Variants in ARHGAP26 observed in about 807,000 individuals in gnomAD.
The protein encoded by ARHGAP26 is Rho GTPase activating protein 26.
In ARHGAP26, 38 loss-of-function variants were observed where a neutral mutation model predicts 104.8. That is an observed-to-expected ratio of 0.36 (90% CI 0.28 to 0.48). The LOEUF is 0.48. Ranked by LOEUF, ARHGAP26 falls within the 20% of genes least tolerant of loss-of-function variation. ARHGAP26 has a pLI of 0.99. For synonymous variants in ARHGAP26, 341 were observed against 340.0 expected (o/e 1.00, Z -0.03); for missense variants, 704 against 947.9 (o/e 0.74, Z 3.38).
Position 143,097,623 on chromosome 5 carries a change from A to G in ARHGAP26, c.1539-23365A>G, listed in dbSNP as rs113199273. On this transcript the variant is annotated intron_variant, in intron 17 of 22. Transcript: ENST00000645722. ...ATCATGAGGTCAAGAGATTGAGACC[A>G]CCCTGGCTAACACGGTGAAACCCCG... 5.2e-3 allele frequency among the ~76,000 whole-genome samples: 792 copies of G among 152,012 alleles called. 4 individuals carry two copies. Among genetic ancestry groups the G allele is most frequent in the African/African-American group, 0.018 (750 of 41,496 alleles).
intron 20 of ARHGAP26, among the ~76,000 whole-genome samples, chr5:143,189,158 T>A (rs1805553851): frequency 6.6e-6 from 1 of 152,240 alleles, no homozygotes; most frequent in Non-Finnish European, 1.5e-5. Flanking sequence ...ACCACTGATC[T>A]TCTTTCCACA....
rs146530306 is a variant in ARHGAP26 at position 143,002,483 on chromosome 5, C to T, written c.1108-11597C>T. On this transcript the variant is annotated intron_variant, in intron 11 of 22. Coordinates refer to ENST00000645722, the MANE Select transcript of ARHGAP26 (RefSeq NM_001135608.3). ...GGATGGGAGGTGGTCTCTCCTCTCA[C>T]CATGAAAACGGCATGCTGACAGATG... Among the ~76,000 whole-genome samples the T allele has an allele frequency of 2.6e-5, 4 of 152,212 alleles. No individual in the cohort carries two copies. The East Asian group carries it at 7.7e-4, about 29-fold the overall frequency.
chr5:142,815,045 G>A (rs866539396), intron 1 of ARHGAP26, among the ~76,000 whole-genome samples: 8 of 152,304 alleles, frequency 5.3e-5, no homozygotes, highest in African/African-American at 1.9e-4. Context: ...CTGTCACCCA[G>A]GCTGGAGTGG....
chr5:143,191,429 G>T (rs143964388), intron 20 of ARHGAP26, among the ~76,000 whole-genome samples: 78 of 152,232 alleles, frequency 5.1e-4, no homozygotes, highest in African/African-American at 1.7e-3. Context: ...TTTTACAAGA[G>T]GGTATAAAAG....
intron 6 of ARHGAP26, among the ~76,000 whole-genome samples, chr5:142,896,398 C>T (rs958371897): frequency 2.6e-5 from 4 of 152,102 alleles, no homozygotes; most frequent in Non-Finnish European, 4.4e-5. Flanking sequence ...TCTCAGTAGG[C>T]GTACCTAGTG....
intron 11 of ARHGAP26, among the ~76,000 whole-genome samples, chr5:142,984,000 A>G (rs1218943851): frequency 2.0e-5 from 3 of 152,250 alleles, no homozygotes; most frequent in Admixed American, 2.0e-4. Context: ...ATGATAGGCC[A>G]CATGGGACAA....
intron 20 of ARHGAP26, among the ~76,000 whole-genome samples, chr5:143,194,889 G>A (rs1476717557): frequency 6.8e-6 from 1 of 146,608 alleles, no homozygotes; most frequent in Admixed American, 6.7e-5. Flanking sequence ...CAGCCATTGT[G>A]GAGGGCCAGC....
rs77021125 is a variant in ARHGAP26 at position 143,183,791 on chromosome 5, T to C, written c.1989-23407T>C. On this transcript the variant is annotated intron_variant, in intron 20 of 22. Coordinates refer to ENST00000645722, the MANE Select transcript of ARHGAP26 (RefSeq NM_001135608.3). The stretch of plus-strand genomic sequence containing the variant: ...TGACTACCAGTGTGAGTCCTGTGGC[T>C]CCTCAGCAGTGTCTCTGCGCCTGTC... Among the ~76,000 whole-genome samples, 1,328 of 152,294 alleles carry C rather than the reference T, an allele frequency of 8.7e-3. 18 individuals are homozygous for C. Among genetic ancestry groups the C allele is most frequent in the African/African-American group, 0.03 (1,233 of 41,552 alleles).
intron 11 of ARHGAP26, among the ~76,000 whole-genome samples, chr5:142,989,929 G>T (rs1369601148): frequency 2.0e-5 from 3 of 151,986 alleles, no homozygotes; most frequent in Non-Finnish European, 2.9e-5. Flanking sequence ...ACAATTATGT[G>T]TCTTGGAGTC....
At chr5:143,155,437 T>G (rs546814410) in intron 20 of ARHGAP26, among the ~76,000 whole-genome samples, 9 of 152,384 alleles carry the variant, frequency 5.9e-5, no homozygotes, top group African/African-American at 2.2e-4. Context: ...CCAGCTGGGC[T>G]TCCCTTGGTT....
At chr5:142,856,047 C>T (rs766435862) in intron 1 of ARHGAP26, among the ~76,000 whole-genome samples, 1 of 152,182 alleles carries the variant, frequency 6.6e-6, no homozygotes, top group Non-Finnish European at 1.5e-5. Flanking sequence ...GAGTGAGGGA[C>T]GTCTCTTTAT....
intron 20 of ARHGAP26, among the ~76,000 whole-genome samples, chr5:143,184,993 G>C (rs1353226454): frequency 6.6e-6 from 1 of 152,134 alleles, no homozygotes; most frequent in Non-Finnish European, 1.5e-5. Context: ...ATGCAACAGT[G>C]AGTGGATTTT....
intron 20 of ARHGAP26, among the ~76,000 whole-genome samples, chr5:143,179,620 C>T (rs1804012068): frequency 6.6e-6 from 1 of 152,220 alleles, no homozygotes; most frequent in Non-Finnish European, 1.5e-5. Flanking sequence ...TGGGTGGCCA[C>T]TCCAGAAGAC....
chr5:142,802,254 T>C (rs974040110), intron 1 of ARHGAP26, among the ~76,000 whole-genome samples: 4 of 152,268 alleles, frequency 2.6e-5, no homozygotes, highest in Non-Finnish European at 5.9e-5. Flanking sequence ...ATTCTGAGCA[T>C]TCTTTAACAG....
At chr5:142,850,675 T>C (rs1349619137) in intron 1 of ARHGAP26, among the ~76,000 whole-genome samples, 2 of 152,198 alleles carry the variant, frequency 1.3e-5, no homozygotes, top group East Asian at 1.9e-4. Flanking sequence ...TATAAGTCAA[T>C]GTCAGACACA....
Position 143,147,291 on chromosome 5 carries a change from G to A in ARHGAP26, c.1898G>A (p.Ser633Asn). Residue 633 changes from serine (S) to asparagine (N), a missense_variant, in exon 20 of 23, where the codon AGC becomes AAC. Transcript: ENST00000645722. ...SLESVSSNPN[S>N]ILNSSSSLQP... ...GAATCTGTCTCATCAAATCCAAACA[G>A]CATCCTTAATTCCAGCAGCAGCTTA... The A allele has an allele frequency of 6.2e-7, 1 of 1,614,054 alleles. No homozygotes were observed. Among genetic ancestry groups the A allele is most frequent in the South Asian group, 1.1e-5 (1 of 91,074 alleles).
intron 5 of ARHGAP26, among the ~76,000 whole-genome samples, chr5:142,890,207 T>G: frequency 8.2e-6 from 1 of 121,608 alleles, no homozygotes; most frequent in South Asian, 2.9e-4. Context: ...TGAAAGTGCA[T>G]TGCATTTAAC....
In ARHGAP26 at chr5:142,943,898, A is replaced by T. The variant is rs184928270; in HGVS notation, c.1107+11773A>T. Among the ~76,000 whole-genome samples, 1,048 of 152,116 alleles carry T rather than the reference A, an allele frequency of 6.9e-3. 11 individuals carry two copies. The highest frequency in any genetic ancestry group is 0.024 in the African/African-American group (1,001 of 41,458). On this transcript the variant is annotated intron_variant, in intron 11 of 22. Coordinates refer to ENST00000645722, the MANE Select transcript of ARHGAP26 (RefSeq NM_001135608.3). ...GTTTATATTAGCTTAACCTTTGGGG[A>T]ATAGGATTAGTTGTGAGACTTTTTG...
chr5:142,770,753 G>C lies in ARHGAP26; in HGVS notation c.-9G>C, dbSNP rs1755037371. 2 of 1,397,110 alleles carry C rather than the reference G, an allele frequency of 1.4e-6. No individual in the cohort carries two copies. The highest frequency in any genetic ancestry group is 9.4e-7 in the Non-Finnish European group (1 of 1,063,106). The allele number at this position is 1,397,110 out of a possible 1,614,324, so 86.5% of individuals were successfully genotyped here. A position where few individuals can be genotyped will look rare whatever the true frequency, so the allele number is the denominator to read the frequency against. On this transcript the variant is annotated 5_prime_UTR_variant, in exon 1 of 23. Coordinates refer to ENST00000645722, the MANE Select transcript of ARHGAP26 (RefSeq NM_001135608.3). ...GAGGCGCGCCCCCCGGCTGGGCGCC[G>C]CGCGCACCATGGGGCTCCCAGCGCT...
Sources: allele counts gnomAD v4.1 joint callset (sites outside exome capture counted in the v4.1 genomes callset), GRCh38; gene constraint gnomAD v4.1.1; transcripts MANE v1.5; gene names NCBI Gene and HGNC (gene_info 2026-07-23, HGNC 2026-07-21).